RIMKLB: variants seen among roughly 807,000 people sequenced by gnomAD.
RIMKLB encodes beta-citrylglutamate synthase B.
A neutral mutation model predicts 32.0 loss-of-function variants in RIMKLB; 7 were observed. That is an observed-to-expected ratio of 0.22 (90% CI 0.12 to 0.41). The LOEUF is 0.41. RIMKLB is among the 10% of genes least tolerant of loss of function. RIMKLB has a pLI of 1.00. For missense variants in RIMKLB, 289 were observed against 498.7 expected, an observed-to-expected ratio of 0.58 and a Z score of 4.00; for synonymous variants, 172 against 185.1, an observed-to-expected ratio of 0.93 and a Z score of 0.57.
intron 1 of RIMKLB, among the ~76,000 whole-genome samples, chr12:8,691,325 G>C (rs951739195): frequency 5.9e-5 from 9 of 151,836 alleles, no homozygotes; most frequent in Non-Finnish European, 2.9e-5. Flanking sequence ...GGTTTTTGTA[G>C]GGGTTGGGTG....
intron 5 of RIMKLB, among the ~76,000 whole-genome samples, chr12:8,761,794 G>T (rs1019520180): frequency 2.0e-5 from 3 of 152,122 alleles, no homozygotes; most frequent in African/African-American, 7.2e-5. Flanking sequence ...GTTGGCTGAC[G>T]ACTGCTTTTA....
At chr12:8,768,867 C>T (rs1453108204) in intron 5 of RIMKLB, among the ~76,000 whole-genome samples, 2 of 152,110 alleles carry the variant, frequency 1.3e-5, no homozygotes, top group East Asian at 1.9e-4. Context: ...TTAATCTCTG[C>T]TTTGTATGTG....
upstream of RIMKLB, among the ~76,000 whole-genome samples, chr12:8,693,967 G>T (rs188560117): frequency 5.5e-3 from 844 of 152,200 alleles, 10 homozygotes; most frequent in Non-Finnish European, 4.2e-3. Flanking sequence ...CAGGGGCCAG[G>T]TGAGATGGCT....
chr12:8,683,518 A>G (rs1040999237), intron 1 of RIMKLB, among the ~76,000 whole-genome samples: 1 of 152,064 alleles, frequency 6.6e-6, no homozygotes, highest in African/African-American at 2.4e-5. Flanking sequence ...AATGTGCAGC[A>G]CCTTTCCATA....
intron 1 of RIMKLB, among the ~76,000 whole-genome samples, chr12:8,684,785 T>C (rs1432390293): frequency 6.6e-6 from 1 of 152,108 alleles, no homozygotes; most frequent in African/African-American, 2.4e-5. Context: ...CACGCCCAGC[T>C]AGTTTTTTTG....
chr12:8,733,204 G>A (rs1270143943), intron 2 of RIMKLB, among the ~76,000 whole-genome samples: 1 of 151,416 alleles, frequency 6.6e-6, no homozygotes, highest in Non-Finnish European at 1.5e-5. Flanking sequence ...GTAAGGCATA[G>A]TACAGCCCCC....
upstream of RIMKLB, chr12:8,697,586 C>A (rs764351819): frequency 1.8e-4 from 30 of 168,866 alleles, 1 homozygote; most frequent in South Asian, 2.6e-3. Flanking sequence ...TGGGAGCAAA[C>A]CTCGCCCCCC....
chr12:8,760,603 CTGT>C (rs1385137581), intron 5 of RIMKLB, among the ~76,000 whole-genome samples: 4 of 152,178 alleles, frequency 2.6e-5, no homozygotes, highest in African/African-American at 9.7e-5. Flanking sequence ...TCTCCAGCAC[CTGT>C]TGTTTCCTGA....
chr12:8,701,536 TTTC>T (rs1233155452), intron 1 of RIMKLB, among the ~76,000 whole-genome samples: 1 of 152,168 alleles, frequency 6.6e-6, no homozygotes, highest in Admixed American at 6.5e-5. Context: ...TTATATCTTT[TTTC>T]TTCTTTCTGA....
chr12:8,723,402 A>G (rs1283820464), intron 2 of RIMKLB, among the ~76,000 whole-genome samples: 1 of 152,202 alleles, frequency 6.6e-6, no homozygotes, highest in East Asian at 1.9e-4. Context: ...AGTAACATCA[A>G]AGATCACTAT....
intron 2 of RIMKLB, among the ~76,000 whole-genome samples, chr12:8,748,167 G>T (rs1056903688): frequency 1.3e-5 from 2 of 152,170 alleles, no homozygotes; most frequent in Admixed American, 1.3e-4. Flanking sequence ...AGGTGAATAT[G>T]TTCTGTATTT....
chr12:8,768,848 ATGC>A (rs755198865), intron 5 of RIMKLB, among the ~76,000 whole-genome samples: 170 of 152,276 alleles, frequency 1.1e-3, no homozygotes, highest in African/African-American at 3.7e-3. Flanking sequence ...ATATTTGCAT[ATGC>A]TGCTTTTAAT....
chr12:8,730,246 C>T (rs937246161), intron 2 of RIMKLB, among the ~76,000 whole-genome samples: 2 of 152,178 alleles, frequency 1.3e-5, no homozygotes, highest in Non-Finnish European at 2.9e-5. Flanking sequence ...TCACCACATC[C>T]GGCTAATTAT....
rs769226053 is a variant in RIMKLB, at chr12:8,749,845, G to A, written c.176-17G>A. ...ATTTCCCTCTAATTGTGTTGGTCTT[G>A]TATTTATATATTTCAGGTCTGCGGA... On this transcript the variant is annotated splice_polypyrimidine_tract_variant and intron_variant, in intron 2 of 5. Coordinates refer to ENST00000535829, the MANE Select transcript of RIMKLB (RefSeq NM_001297776.2). 2.9e-5 allele frequency: 44 copies of A among 1,534,692 alleles called. No homozygotes were observed. The highest frequency in any genetic ancestry group is 3.5e-5 in the Non-Finnish European group (39 of 1,111,234).
At chr12:8,714,189 T>G in intron 2 of RIMKLB, 148 bp downstream of exon 2, 2 of 612,614 alleles carry the variant, frequency 3.3e-6, no homozygotes, top group Non-Finnish European at 5.6e-6. Context: ...TTTATGAAAG[T>G]AATATAAACA....
chr12:8,688,838 CTTTTTT>C (rs912116531), intron 1 of RIMKLB, among the ~76,000 whole-genome samples: 2 of 146,220 alleles, frequency 1.4e-5, no homozygotes, highest in South Asian at 4.3e-4. Context: ...TTCTTTCTTT[CTTTTTT>C]TTTTTTCTGA....
At chr12:8,676,939 G>C (rs1942346719), upstream of RIMKLB, among the ~76,000 whole-genome samples, 1 of 151,924 alleles carries the variant, frequency 6.6e-6, no homozygotes, top group Non-Finnish European at 1.5e-5. Flanking sequence ...TTCCAAAATT[G>C]GAATGTCACC....
chr12:8,671,874 T>C, the RIMKLB span, among the ~76,000 whole-genome samples: 1 of 152,092 alleles, frequency 6.6e-6, no homozygotes, highest in African/African-American at 2.4e-5. Context: ...ATTGCGCCAT[T>C]GCACTCCAGC....
Position 8,714,048 on chromosome 12 carries a change from C to G in RIMKLB, c.175+7C>G, listed in dbSNP as rs758380873. The G allele has an allele frequency of 1.2e-6, 2 of 1,612,662 alleles. No homozygotes were observed. The highest frequency in any genetic ancestry group is 2.7e-5 in the African/African-American group (2 of 74,858). ...ATCGAGCAAGGAAACCTGGGTAAGT[C>G]TGTATACTAAGTGATCTTTTGGATT... On this transcript the variant is annotated splice_region_variant and intron_variant, in intron 2 of 5. Transcript: ENST00000535829.
Sources: allele counts gnomAD v4.1 joint callset (sites outside exome capture counted in the v4.1 genomes callset), GRCh38; gene constraint gnomAD v4.1.1; transcripts MANE v1.5; gene names NCBI Gene and HGNC (gene_info 2026-07-23, HGNC 2026-07-21).